TRIM6: variants seen among roughly 807,000 people sequenced by gnomAD.
TRIM6 encodes the protein tripartite motif-containing protein 6.
Under a neutral mutation model 51.2 loss-of-function variants are expected in TRIM6, and 43 were observed. The ratio of observed to expected loss-of-function variants is 0.84; its 90% CI spans 0.66 to 1.08. The LOEUF is 1.08. Among genes scored for constraint, TRIM6 ranks in the 50% least tolerant of loss-of-function variants. The pLI is 0.00. For missense variants in TRIM6, 669 were observed against 619.0 expected (o/e 1.08, Z -0.86); for synonymous variants, 215 against 232.4 (o/e 0.93, Z 0.68).
chr11:5,606,545 T>G (rs1041781507), intron 4 of TRIM6, among the ~76,000 whole-genome samples: 1 of 152,198 alleles, frequency 6.6e-6, no homozygotes, highest in Non-Finnish European at 1.5e-5. Flanking sequence ...GGTCTTAGTA[T>G]TAGAGCCATG....
intron 1 of TRIM6, among the ~76,000 whole-genome samples, chr11:5,600,059 G>GAT (rs1244686548): frequency 1.3e-5 from 2 of 152,208 alleles, no homozygotes; most frequent in African/African-American, 4.8e-5. Flanking sequence ...ACTCTCAGAT[G>GAT]ATAGGTAAAT....
Position 5,596,884 on chromosome 11 carries a change from T to C in TRIM6, c.-14T>C, listed in dbSNP as rs1023585090. ...TTGCTTACATCTGGAACTTCTTGGC[T>C]TCTCATTCCCCAGATGTGCGGGTCA... On this transcript the variant is annotated 5_prime_UTR_variant, in exon 1 of 8. Coordinates refer to ENST00000380097, the MANE Select transcript of TRIM6 (RefSeq NM_001003818.3). The C allele has an allele frequency of 4.3e-6, 7 of 1,613,972 alleles. No homozygotes were observed. In the African/African-American group the frequency reaches 9.3e-5, roughly 22 times the overall value.
intron 7 of TRIM6, 43 bp from the exon 8 acceptor site, chr11:5,610,734 A>C (rs1227535404): frequency 6.3e-7 from 1 of 1,597,722 alleles, no homozygotes; most frequent in African/African-American, 1.3e-5. Context: ...AACGAGACCC[A>C]TGTCCCCGTT....
intron 5 of TRIM6, 39 bp downstream of exon 5, chr11:5,608,433 G>T: frequency 1.9e-6 from 3 of 1,610,982 alleles, no homozygotes; most frequent in South Asian, 2.2e-5. Flanking sequence ...CCCCTGGACT[G>T]ACAAATGATT....
chr11:5,597,086 A>G (rs536118694), intron 1 of TRIM6, among the ~76,000 whole-genome samples, 172 bp downstream of exon 1: 70 of 151,720 alleles, frequency 4.6e-4, no homozygotes, highest in African/African-American at 1.6e-3. Flanking sequence ...CAGTCAGTCA[A>G]TAGAGACAGA....
chr11:5,608,656 A>G (rs777682859), intron 5 of TRIM6, among the ~76,000 whole-genome samples: 12 of 151,762 alleles, frequency 7.9e-5, no homozygotes, highest in Non-Finnish European at 1.8e-4. Flanking sequence ...GCGCCACTGC[A>G]CTCCAGCCTG....
At chr11:5,603,049 G>A (rs2133831442) in intron 1 of TRIM6, among the ~76,000 whole-genome samples, 197 bp from the exon 2 acceptor site, 1 of 152,296 alleles carries the variant, frequency 6.6e-6, no homozygotes, top group Non-Finnish European at 1.5e-5. Flanking sequence ...AGGAGCAAGA[G>A]GAAATTATCA....
intron 1 of TRIM6, among the ~76,000 whole-genome samples, chr11:5,601,858 C>G (rs1847877329): frequency 6.6e-6 from 1 of 152,026 alleles, no homozygotes; most frequent in Non-Finnish European, 1.5e-5. Flanking sequence ...CTATGTGGAG[C>G]AGGGCCGTTA....
At chr11:5,596,525 C>CCCTTCCT (rs1847463025), upstream of TRIM6, 1 of 21,822 alleles carries the variant, frequency 4.6e-5, no homozygotes, top group South Asian at 1.8e-3. Context: ...TCCCCTTCCC[C>CCCTTCCT]CCTTCCCCCT....
intron 3 of TRIM6, chr11:5,605,082 A>C (rs1848125783): frequency 5.6e-6 from 3 of 537,784 alleles, no homozygotes; most frequent in African/African-American, 1.9e-5. Context: ...CTGGAATCTA[A>C]ACGTCACCCA....
chr11:5,596,531 C>T (rs1847465502), upstream of TRIM6: 1 of 24,610 alleles, frequency 4.1e-5, no homozygotes, highest in South Asian at 1.5e-3. Context: ...TCCCCCCTTC[C>T]CCCTTCCCCC....
At chr11:5,604,022 G>A (rs190798790) in intron 2 of TRIM6, among the ~76,000 whole-genome samples, 8 of 152,014 alleles carry the variant, frequency 5.3e-5, no homozygotes, top group African/African-American at 1.4e-4. Flanking sequence ...TTGAGAAGGC[G>A]TCTCGCTCTG....
At chr11:5,603,220 CT>C in intron 1 of TRIM6, 25 bp from the exon 2 acceptor site, 3 of 1,601,036 alleles carry the variant, frequency 1.9e-6, no homozygotes, top group Non-Finnish European at 8.5e-7. Flanking sequence ...TACCCTGATC[CT>C]TTTTTTGTTT....
intron 1 of TRIM6, among the ~76,000 whole-genome samples, chr11:5,601,859 A>G (rs1218756918): frequency 2.0e-5 from 3 of 152,110 alleles, no homozygotes; most frequent in Non-Finnish European, 1.5e-5. Flanking sequence ...TATGTGGAGC[A>G]GGGCCGTTAA....
chr11:5,608,179 T>C (rs1161723529), intron 4 of TRIM6, among the ~76,000 whole-genome samples, 193 bp from the exon 5 acceptor site: 1 of 152,158 alleles, frequency 6.6e-6, no homozygotes, highest in Non-Finnish European at 1.5e-5. Context: ...GATGAGTCAA[T>C]TGAGTTATTT....
chr11:5,604,679 T>C lies in TRIM6; in HGVS notation c.603+50T>C, dbSNP rs770239905. 1.5e-5 allele frequency: 23 copies of C among 1,582,342 alleles called. No individual in the cohort carries two copies. The East Asian group carries it at 4.9e-4, about 34-fold the overall frequency. On this transcript the variant is annotated intron_variant, in intron 3 of 7. Coordinates refer to ENST00000380097, the MANE Select transcript of TRIM6 (RefSeq NM_001003818.3). Reference sequence around the variant, plus strand: ...GTCCTGGGGCAGGAATCATGGCAGGTCATAGGAGCTGAGGGCAAAGGAGTC... The same window carrying C: ...GTCCTGGGGCAGGAATCATGGCAGGCCATAGGAGCTGAGGGCAAAGGAGTC...
intron 4 of TRIM6, among the ~76,000 whole-genome samples, chr11:5,606,900 C>T (rs1848242553): frequency 1.3e-5 from 2 of 152,124 alleles, no homozygotes; most frequent in Admixed American, 1.3e-4. Context: ...TGAATTGTTG[C>T]CCATTAAGAT....
At chr11:5,608,038 G>T (rs921708268) in intron 4 of TRIM6, among the ~76,000 whole-genome samples, 3 of 152,170 alleles carry the variant, frequency 2.0e-5, no homozygotes, top group Admixed American at 6.5e-5. Flanking sequence ...GCTACTCAAG[G>T]ATAGAAATTA....
At chr11:5,606,020 G>A (rs1368625333) in intron 4 of TRIM6, among the ~76,000 whole-genome samples, 1 of 152,140 alleles carries the variant, frequency 6.6e-6, no homozygotes, top group Admixed American at 6.5e-5. Flanking sequence ...ACATTGCCAC[G>A]ATAGCCCCAG....
Sources: gnomAD v4.1 joint callset for allele counts (sites outside exome capture counted in the v4.1 genomes callset) on GRCh38, gnomAD v4.1.1 for gene constraint, MANE v1.5 for transcripts, NCBI Gene and HGNC (gene_info 2026-07-23, HGNC 2026-07-21) for gene names.